SLC9B1: variants seen among roughly 807,000 people sequenced by gnomAD.
SLC9B1 encodes solute carrier family 9 member B1, also known as sodium/hydrogen exchanger 9B1.
SLC9B1 carries 32 observed loss-of-function variants against 51.7 expected under a neutral mutation model. The observed-to-expected ratio is 0.62, with a 90% CI of 0.47 to 0.83. The LOEUF (loss-of-function observed/expected upper bound fraction) is 0.83, where lower values mean the gene tolerates loss of function less well. Ranked by LOEUF, SLC9B1 falls within the 40% of genes least tolerant of loss-of-function variation. The probability of loss-of-function intolerance (pLI) is 0.00; values close to 1 mark genes in which losing one functional copy is unlikely to be tolerated. For missense variants in SLC9B1, 406 were observed against 613.2 expected (o/e 0.66, Z 3.57); for synonymous variants, 145 against 212.7 (o/e 0.68, Z 2.77).
At chr4:102,950,529 GC>G (rs1382067893) in intron 3 of SLC9B1, among the ~76,000 whole-genome samples, 1 of 152,142 alleles carries the variant, frequency 6.6e-6, no homozygotes, top group African/African-American at 2.4e-5. Flanking sequence ...CAGTTTATAT[GC>G]ATTTTTTAGC....
At chr4:102,978,082 G>A (rs1409784369) in intron 3 of SLC9B1, among the ~76,000 whole-genome samples, 2 of 152,124 alleles carry the variant, frequency 1.3e-5, no homozygotes, top group Non-Finnish European at 2.9e-5. Flanking sequence ...CCTTGCGATA[G>A]TTTGCTGAGA....
chr4:102,951,960 C>CTTTTTTTTTTTTT (rs765709645), intron 3 of SLC9B1, among the ~76,000 whole-genome samples: 263 of 6,522 alleles, frequency 0.04, 82 homozygotes, highest in Non-Finnish European at 0.067. Flanking sequence ...AAAATAAAAT[C>CTTTTTTTTTTTTT]TTTTTTTTTT....
chr4:102,983,010 C>T (rs894279425), intron 3 of SLC9B1, among the ~76,000 whole-genome samples: 1 of 152,012 alleles, frequency 6.6e-6, no homozygotes, highest in African/African-American at 2.4e-5. Context: ...ACAATGTTAC[C>T]TGTAGGATTT....
chr4:102,986,727 G>A (rs549668140), intron 3 of SLC9B1, among the ~76,000 whole-genome samples: 11 of 152,146 alleles, frequency 7.2e-5, no homozygotes, highest in Non-Finnish European at 8.8e-5. Context: ...TCTCAAGCCC[G>A]GAGATTCTTT....
At chr4:102,950,239 T>C (rs1560947080) in intron 3 of SLC9B1, among the ~76,000 whole-genome samples, 1 of 152,168 alleles carries the variant, frequency 6.6e-6, no homozygotes, top group African/African-American at 2.4e-5. Flanking sequence ...ATATTTGGCA[T>C]AAATGTATTA....
chr4:102,886,895 G>A (rs538176641), intron 11 of SLC9B1, among the ~76,000 whole-genome samples: 4 of 152,274 alleles, frequency 2.6e-5, no homozygotes, highest in East Asian at 1.9e-4. Flanking sequence ...GATTACAGGC[G>A]TAAACTACCG....
intron 3 of SLC9B1, among the ~76,000 whole-genome samples, chr4:102,978,736 C>G (rs1331445708): frequency 6.6e-6 from 1 of 152,120 alleles, no homozygotes; most frequent in African/African-American, 2.4e-5. Context: ...CTAGTTCAAC[C>G]ATTATGGAAG....
At chr4:102,919,102 A>G (rs938183343) in intron 7 of SLC9B1, among the ~76,000 whole-genome samples, 5 of 152,132 alleles carry the variant, frequency 3.3e-5, no homozygotes, top group African/African-American at 1.2e-4. Flanking sequence ...CTAGGCCTCC[A>G]ACCCTGTGAC....
At chr4:102,994,784 C>T (rs1020067472) in intron 1 of SLC9B1, among the ~76,000 whole-genome samples, 7 of 152,086 alleles carry the variant, frequency 4.6e-5, no homozygotes, top group African/African-American at 1.7e-4. Context: ...AGGGGAAATG[C>T]CAGACAATTA....
downstream of SLC9B1, chr4:102,898,047 C>G: frequency 2.2e-6 from 1 of 445,540 alleles, no homozygotes; most frequent in Non-Finnish European, 4.4e-6. Context: ...CTTCTTCAAG[C>G]CATGCCCTAG....
intron 3 of SLC9B1, among the ~76,000 whole-genome samples, chr4:102,985,234 T>A (rs1739552314): frequency 6.6e-6 from 1 of 152,188 alleles, no homozygotes; most frequent in Admixed American, 6.5e-5. Flanking sequence ...AGTTCGGTCT[T>A]ATTTTTGACC....
At chr4:102,977,009 A>G (rs4699045) in intron 3 of SLC9B1, among the ~76,000 whole-genome samples, 1 of 151,704 alleles carries the variant, frequency 6.6e-6, no homozygotes, top group Non-Finnish European at 1.5e-5. Flanking sequence ...AATTATCCAG[A>G]TATGGTGACA....
intron 11 of SLC9B1, among the ~76,000 whole-genome samples, chr4:102,904,160 G>T (rs1428745401): frequency 7.9e-5 from 12 of 151,804 alleles, no homozygotes; most frequent in Admixed American, 2.0e-4. Flanking sequence ...CTGAGTTCAA[G>T]CAATCCTCCT....
chr4:102,940,893 A>G (rs1395645596), intron 6 of SLC9B1, among the ~76,000 whole-genome samples: 1 of 152,178 alleles, frequency 6.6e-6, no homozygotes, highest in Non-Finnish European at 1.5e-5. Context: ...CCTACTCGGA[A>G]ATTGTGCTGG....
At chr4:102,972,100 C>G (rs1335001481) in intron 3 of SLC9B1, among the ~76,000 whole-genome samples, 260 of 152,252 alleles carry the variant, frequency 1.7e-3, no homozygotes, top group African/African-American at 5.9e-3. Flanking sequence ...GAAACTATTC[C>G]AATCAATATA....
chr4:102,967,317 T>C (rs527451262), intron 3 of SLC9B1, among the ~76,000 whole-genome samples: 5 of 152,374 alleles, frequency 3.3e-5, no homozygotes, highest in Admixed American at 1.3e-4. Context: ...GTTCCAATGA[T>C]GCTTCTGCAT....
At chr4:102,943,126 T>C (rs1737085342) in intron 6 of SLC9B1, among the ~76,000 whole-genome samples, 1 of 146,720 alleles carries the variant, frequency 6.8e-6, no homozygotes. Context: ...CACAATGCAA[T>C]ACCATCTCAC....
At chr4:102,907,804 AAG>A (rs1735127448) in intron 9 of SLC9B1, among the ~76,000 whole-genome samples, 2 of 152,274 alleles carry the variant, frequency 1.3e-5, no homozygotes, top group Admixed American at 6.5e-5. Flanking sequence ...AGTTTAAAAA[AAG>A]AAAAACAAAG....
downstream of SLC9B1, among the ~76,000 whole-genome samples, chr4:102,898,847 C>T (rs1734658053): frequency 6.6e-6 from 1 of 152,220 alleles, no homozygotes; most frequent in South Asian, 2.1e-4. Flanking sequence ...CCTGCCTCAG[C>T]CTCCCGAGTA....
Sources: allele counts gnomAD v4.1 joint callset (sites outside exome capture counted in the v4.1 genomes callset), GRCh38; gene constraint gnomAD v4.1.1; transcripts MANE v1.5; gene names NCBI Gene and HGNC (gene_info 2026-07-23, HGNC 2026-07-21).